USP13: variants seen among roughly 807,000 people sequenced by gnomAD.
USP13 encodes ubiquitin specific peptidase 13.
Under a neutral mutation model 107.8 loss-of-function variants are expected in USP13, and 68 were observed. The observed-to-expected ratio is 0.63, with a 90% CI of 0.52 to 0.77. The LOEUF is 0.77. Among genes scored for constraint, USP13 ranks in the 30% least tolerant of loss-of-function variants. The probability of loss-of-function intolerance (pLI) is 0.00; values close to 1 mark genes in which losing one functional copy is unlikely to be tolerated. For synonymous variants in USP13, 377 were observed against 389.5 expected, an observed-to-expected ratio of 0.97 and a Z score of 0.38; for missense variants, 945 against 1,093.3, an observed-to-expected ratio of 0.86 and a Z score of 1.91.
chr3:179,765,979 T>C, intron 19 of USP13, 131 bp downstream of exon 19: 1 of 943,966 alleles, frequency 1.1e-6, no homozygotes, highest in East Asian at 3.2e-5. Context: ...TCTTCTTCGT[T>C]TTTTTTTTTT....
intron 20 of USP13, 39 bp from the exon 21 acceptor site, chr3:179,784,009 C>T (rs1715837254): frequency 6.5e-7 from 1 of 1,546,342 alleles, no homozygotes; most frequent in African/African-American, 1.4e-5. Context: ...TTTCCTGGAA[C>T]TGACTTAAAT....
chr3:179,666,430 A>G (rs1244099161), intron 1 of USP13, among the ~76,000 whole-genome samples: 1 of 152,182 alleles, frequency 6.6e-6, no homozygotes, highest in Non-Finnish European at 1.5e-5. Flanking sequence ...CCCCAGTTTC[A>G]TTGCTGGACA....
rs535258981 is a variant in USP13 at position 179,708,245 on chromosome 3, A to C, written c.621-528A>C. 2.7e-4 allele frequency among the ~76,000 whole-genome samples: 41 copies of C among 152,238 alleles called. No individual in the cohort carries two copies. In the South Asian group the frequency reaches 8.5e-3, roughly 32 times the overall value. ...CCACTTGGAGATGCTGGGAGGGGCT[A>C]GTCCACATCTGGGAGGCAGGCAGGG... On this transcript the variant is annotated intron_variant, in intron 5 of 20. Coordinates refer to ENST00000263966, the MANE Select transcript of USP13 (RefSeq NM_003940.3).
chr3:179,729,506 C>T (rs1307727889), intron 8 of USP13, among the ~76,000 whole-genome samples: 1 of 152,116 alleles, frequency 6.6e-6, no homozygotes, highest in African/African-American at 2.4e-5. Flanking sequence ...GAGTCTTGCT[C>T]TGTCATCCAG....
intron 6 of USP13, 94 bp from the exon 7 acceptor site, chr3:179,719,846 A>G (rs756525942): frequency 2.0e-6 from 2 of 1,008,126 alleles, no homozygotes; most frequent in Non-Finnish European, 3.0e-6. Flanking sequence ...GATATAGCCC[A>G]AGCCTGGTGT....
At chr3:179,739,237 C>T (rs1244620738) in intron 10 of USP13, among the ~76,000 whole-genome samples, 1 of 152,222 alleles carries the variant, frequency 6.6e-6, no homozygotes, top group Non-Finnish European at 1.5e-5. Context: ...TCTGAGCTGT[C>T]CTGCTGGTCC....
Position 179,687,659 on chromosome 3 carries a change from CAAAAAAAAAAAA to C in USP13, c.295-2567_295-2556del, listed in dbSNP as rs71182509. Among the ~76,000 whole-genome samples the C allele has an allele frequency of 2.2e-4, 4 of 18,518 alleles. 1 individual carries two copies. The highest frequency in any genetic ancestry group is 2.1e-3 in the Admixed American group (2 of 968). The allele number at this position is 18,518 out of a possible 152,430, so 12.1% of individuals were successfully genotyped here. ...GGGCAACAAGAGTGAAACTCTGTCT[CAAAAAAAAAAAA>C]AAAAAAAAAAAAAAGGACTAGTGCT... On this transcript the variant is annotated intron_variant, in intron 2 of 20. Coordinates refer to ENST00000263966, the MANE Select transcript of USP13 (RefSeq NM_003940.3).
intron 19 of USP13, among the ~76,000 whole-genome samples, chr3:179,775,520 ACTC>A (rs1715498188): frequency 6.6e-6 from 1 of 152,148 alleles, no homozygotes. Flanking sequence ...ACGCGCCTGC[ACTC>A]CTCAGCCCTT....
chr3:179,653,773 C>G lies in USP13; in HGVS notation c.168+380C>G, dbSNP rs1720167923. On this transcript the variant is annotated intron_variant, in intron 1 of 20. Transcript: ENST00000263966. The surrounding 1 kb of genome is among the most constrained non-coding windows in gnomAD (Gnocchi z 4.0). ...CGGGTAGGTGGACGGGATGATCCCC[C>G]CACACCCCGGGACACACACAGCCCT... 1 of 193,268 alleles carries G rather than the reference C, an allele frequency of 5.2e-6. No homozygotes were observed. Among genetic ancestry groups the G allele is most frequent in the African/African-American group, 2.4e-5 (1 of 42,510 alleles). The allele number at this position is 193,268 out of a possible 1,614,324, so 12.0% of individuals were successfully genotyped here. A position where few individuals can be genotyped will look rare whatever the true frequency, so the allele number is the denominator to read the frequency against.
chr3:179,661,301 G>T (rs2108434125), intron 1 of USP13, among the ~76,000 whole-genome samples: 1 of 152,128 alleles, frequency 6.6e-6, no homozygotes, highest in South Asian at 2.1e-4. Flanking sequence ...GTAGCCTATG[G>T]GTTCACATTA....
At chr3:179,778,108 A>C (rs1482023381) in intron 19 of USP13, among the ~76,000 whole-genome samples, 1 of 151,644 alleles carries the variant, frequency 6.6e-6, no homozygotes, top group African/African-American at 2.4e-5. Context: ...TTTTCAGTTG[A>C]TGTGATAGCT....
intron 11 of USP13, among the ~76,000 whole-genome samples, chr3:179,740,931 T>A (rs1289247314): frequency 6.6e-6 from 1 of 151,962 alleles, no homozygotes; most frequent in Non-Finnish European, 1.5e-5. Flanking sequence ...CACGCCCGGC[T>A]AATTTTTGTA....
intron 19 of USP13, among the ~76,000 whole-genome samples, chr3:179,779,683 A>G (rs533086555): frequency 2.6e-5 from 4 of 151,142 alleles, no homozygotes; most frequent in Admixed American, 6.6e-5. Flanking sequence ...CCTTGCTGCA[A>G]TCTGTTGAAA....
intron 6 of USP13, among the ~76,000 whole-genome samples, chr3:179,716,764 A>G (rs1459211633): frequency 6.6e-6 from 1 of 152,206 alleles, no homozygotes; most frequent in Non-Finnish European, 1.5e-5. Flanking sequence ...CTGGGTTCTT[A>G]CAGATTCTCA....
chr3:179,760,282 GTTT>G (rs1363561918), intron 16 of USP13, among the ~76,000 whole-genome samples: 3 of 123,452 alleles, frequency 2.4e-5, no homozygotes, highest in African/African-American at 3.1e-5. Flanking sequence ...GTCTCTTAAT[GTTT>G]TTTTTTTTTT....
intron 5 of USP13, 40 bp from the exon 6 acceptor site, chr3:179,708,733 A>T: frequency 6.2e-7 from 1 of 1,606,690 alleles, no homozygotes; most frequent in Non-Finnish European, 8.5e-7. Flanking sequence ...TTTTAAAATT[A>T]TGCCCTGGCT....
Position 179,709,027 on chromosome 3 carries a change from C to G in USP13, c.805+70C>G, listed in dbSNP as rs1393758999. The stretch of plus-strand genomic sequence containing the variant: ...CTTAGATTTAACCAATCCCTGAATC[C>G]AGGTGGTTGGAAGGTGCAGGCTCTG... On this transcript the variant is annotated intron_variant, in intron 6 of 20. Coordinates refer to ENST00000263966, the MANE Select transcript of USP13 (RefSeq NM_003940.3). 3.3e-6 allele frequency: 5 copies of G among 1,533,000 alleles called. No individual in the cohort carries two copies. In the African/African-American group the frequency reaches 4.1e-5, roughly 13 times the overall value. 95.0% of individuals were successfully genotyped at this position (1,533,000 alleles called of 1,614,324 possible).
At chr3:179,709,012 A>G in intron 6 of USP13, 55 bp downstream of exon 6, 4 of 1,566,900 alleles carry the variant, frequency 2.6e-6, no homozygotes, top group South Asian at 2.4e-5. Context: ...CTTAGATTTA[A>G]CCAATCCCTG....
chr3:179,755,021 A>G (rs1714740750), intron 15 of USP13, among the ~76,000 whole-genome samples, 167 bp downstream of exon 15: 1 of 152,096 alleles, frequency 6.6e-6, no homozygotes, highest in African/African-American at 2.4e-5. Context: ...CATGGCTGCA[A>G]TGGTAAACAT....
Sources: allele counts gnomAD v4.1 joint callset (sites outside exome capture counted in the v4.1 genomes callset), GRCh38; gene constraint gnomAD v4.1.1; non-coding constraint Gnocchi (gnomAD v3.1); transcripts MANE v1.5; gene names NCBI Gene and HGNC (gene_info 2026-07-23, HGNC 2026-07-21).